Variants in TSPAN18 observed in about 807,000 individuals in gnomAD.
TSPAN18 encodes tetraspanin-18.
A neutral mutation model predicts 27.3 loss-of-function variants in TSPAN18; 14 were observed. The ratio of observed to expected loss-of-function variants is 0.51; its 90% CI spans 0.34 to 0.80. The LOEUF (loss-of-function observed/expected upper bound fraction) is 0.80. TSPAN18 is among the 30% of genes least tolerant of loss of function. The pLI is 0.01. For missense variants in TSPAN18, 268 were observed against 323.9 expected (o/e 0.83, Z 1.32); for synonymous variants, 143 against 136.5 (o/e 1.05, Z -0.33).
intron 2 of TSPAN18, among the ~76,000 whole-genome samples, chr11:44,836,957 T>C (rs1377787295): frequency 6.6e-6 from 1 of 152,228 alleles, no homozygotes; most frequent in African/African-American, 2.4e-5. Flanking sequence ...CACGTGGTCA[T>C]CCAAGAGCTC....
intron 8 of TSPAN18, chr11:44,925,774 C>T (rs1010830431): frequency 6.6e-6 from 1 of 152,112 alleles, no homozygotes; most frequent in African/African-American, 2.4e-5. Context: ...AAAGTTCTCC[C>T]ACTTTGAAAA....
chr11:44,896,109 G>A (rs1194662234), intron 3 of TSPAN18, among the ~76,000 whole-genome samples: 1 of 152,146 alleles, frequency 6.6e-6, no homozygotes, highest in Admixed American at 6.5e-5. Flanking sequence ...ATGGTAGATG[G>A]CTGACTGGGT....
intron 2 of TSPAN18, among the ~76,000 whole-genome samples, chr11:44,796,997 T>C (rs1003571536): frequency 2.0e-5 from 3 of 152,188 alleles, no homozygotes; most frequent in Non-Finnish European, 4.4e-5. Context: ...AGTAGCATCC[T>C]CACCCAACTT....
At chr11:44,859,537 C>T (rs1379602783) in intron 2 of TSPAN18, 1 of 152,250 alleles carries the variant, frequency 6.6e-6, no homozygotes, top group Non-Finnish European at 1.5e-5. Context: ...CCAAGGTCCA[C>T]CTGCCTCCAA....
At chr11:44,756,432 C>T (rs923982526) in intron 1 of TSPAN18, among the ~76,000 whole-genome samples, 7 of 151,940 alleles carry the variant, frequency 4.6e-5, no homozygotes, top group Non-Finnish European at 8.8e-5. Flanking sequence ...TTTACCATCT[C>T]GGCCATTTTT....
intron 1 of TSPAN18, among the ~76,000 whole-genome samples, chr11:44,744,392 A>G (rs180779539): frequency 3.3e-5 from 5 of 152,362 alleles, no homozygotes; most frequent in African/African-American, 7.2e-5. Flanking sequence ...GATTGGTTTC[A>G]GATGAATGAG....
In TSPAN18 at chr11:44,929,727, G is replaced by T. The variant is rs909122373; in HGVS notation, c.*549G>T. The T allele has an allele frequency of 6.5e-6, 1 of 153,380 alleles. No homozygotes were observed. Among genetic ancestry groups the T allele is most frequent in the Admixed American group, 6.5e-5 (1 of 15,382 alleles). The allele number at this position is 153,380 out of a possible 1,614,324, so 9.5% of individuals were successfully genotyped here. On this transcript the variant is annotated 3_prime_UTR_variant, in exon 10 of 10. Coordinates refer to ENST00000520358, the MANE Select transcript of TSPAN18 (RefSeq NM_130783.5). ...GGGGCCAAGAGTGAGCTGCTAACAC[G>T]GCATCCAAGAATGGCCCAGCTGGTA... is the stretch of plus-strand genomic sequence containing the variant.
intron 2 of TSPAN18, among the ~76,000 whole-genome samples, chr11:44,790,167 A>ATGTGTGTGTGTGCGCATG (rs1565150202): frequency 3.6e-5 from 5 of 139,662 alleles, no homozygotes; most frequent in Non-Finnish European, 6.1e-5. Flanking sequence ...GTGTGTGTGC[A>ATGTGTGTGTGTGCGCATG]TGTGTGTGTG....
chr11:44,785,823 G>A (rs6485576), intron 2 of TSPAN18, among the ~76,000 whole-genome samples: 19,049 of 152,222 alleles, frequency 0.13, 1,614 homozygotes, highest in Middle Eastern at 0.21. Context: ...TGGAGCCAGG[G>A]CAGCTTCGAT....
chr11:44,870,269 G>A (rs1858157283), intron 3 of TSPAN18, among the ~76,000 whole-genome samples: 1 of 151,996 alleles, frequency 6.6e-6, no homozygotes, highest in African/African-American at 2.4e-5. Context: ...CCCAGCCCCG[G>A]GCCACCACCA....
chr11:44,815,575 T>C (rs1856803679), intron 2 of TSPAN18, among the ~76,000 whole-genome samples: 1 of 152,186 alleles, frequency 6.6e-6, no homozygotes. Context: ...GCTCAACAAT[T>C]ATGTATTGAG....
intron 2 of TSPAN18, among the ~76,000 whole-genome samples, chr11:44,777,753 C>A (rs1049742333): frequency 6.6e-6 from 1 of 152,216 alleles, no homozygotes; most frequent in African/African-American, 2.4e-5. Context: ...ACCTCCCCCC[C>A]TTTTCTTTCT....
intron 4 of TSPAN18, 131 bp downstream of exon 4, chr11:44,906,610 G>C (rs563109680): frequency 1.2e-6 from 1 of 856,396 alleles, no homozygotes; most frequent in East Asian, 2.6e-5. Flanking sequence ...GTACCTGCCA[G>C]CCAGGCTTTC....
At position 44,920,687 on chromosome 11, in the gene TSPAN18, G is replaced by A. The variant is rs561102513; in HGVS notation, c.615+688G>A. 1.3e-4 allele frequency among the ~76,000 whole-genome samples: 19 copies of A among 151,918 alleles called. No individual in the cohort carries two copies. The South Asian group carries it at 2.1e-3, about 17-fold the overall frequency. On this transcript the variant is annotated intron_variant, in intron 8 of 9. Coordinates refer to ENST00000520358, the MANE Select transcript of TSPAN18 (RefSeq NM_130783.5). ...GGGTGTGTGACCAGGCTAGGCAGGA[G>A]GAGAGGGAGGGAGAGGACGAGGGTG...
At chr11:44,739,975 G>A (rs866489698) in intron 1 of TSPAN18, among the ~76,000 whole-genome samples, 15 of 152,216 alleles carry the variant, frequency 9.9e-5, no homozygotes, top group African/African-American at 3.4e-4. Context: ...CAGCCGTGAT[G>A]CAGTCATTCC....
intron 2 of TSPAN18, among the ~76,000 whole-genome samples, chr11:44,819,161 G>C (rs1023222709): frequency 3.3e-5 from 5 of 152,170 alleles, no homozygotes; most frequent in African/African-American, 1.2e-4. Context: ...GCCTTCAGGC[G>C]GGCTCTTCTC....
chr11:44,883,832 T>C (rs898769560), intron 3 of TSPAN18, among the ~76,000 whole-genome samples: 1 of 152,236 alleles, frequency 6.6e-6, no homozygotes, highest in African/African-American at 2.4e-5. Flanking sequence ...TTAATCACTG[T>C]GTGACTCAGG....
rs1391674933 is a variant in TSPAN18 at position 44,726,973 on chromosome 11, G to A, written c.-554G>A. The stretch of plus-strand genomic sequence containing the variant: ...GCTGGCGGGCGTGCAGCTGCCGCCG[G>A]CGTCGCGGGGCTCCAGGCTGCGGGG... On this transcript the variant is annotated 5_prime_UTR_variant, in exon 1 of 10. Transcript: ENST00000520358. 6 of 123,610 alleles carry A rather than the reference G, an allele frequency of 4.9e-5. No individual in the cohort carries two copies. The highest frequency in any genetic ancestry group is 1.1e-4 in the Non-Finnish European group (6 of 52,916). 7.7% of individuals were successfully genotyped at this position (123,610 alleles called of 1,614,324 possible). A position where few individuals can be genotyped will look rare whatever the true frequency, so the allele number is the denominator to read the frequency against.
intron 3 of TSPAN18, among the ~76,000 whole-genome samples, chr11:44,891,781 T>C (rs1858858499): frequency 6.6e-6 from 1 of 152,204 alleles, no homozygotes; most frequent in Non-Finnish European, 1.5e-5. Context: ...TGCTGCTGGC[T>C]GATCCCCCAG....
Sources: allele counts gnomAD v4.1 joint callset (sites outside exome capture counted in the v4.1 genomes callset), GRCh38; gene constraint gnomAD v4.1.1; transcripts MANE v1.5; gene names NCBI Gene and HGNC (gene_info 2026-07-23, HGNC 2026-07-21).